Variants in ST6GAL1 observed in about 807,000 individuals in gnomAD.
The protein encoded by ST6GAL1 is ST6 beta-galactoside alpha-2,6-sialyltransferase 1.
Under a neutral mutation model 38.0 loss-of-function variants are expected in ST6GAL1, and 20 were observed. That is an observed-to-expected ratio of 0.53 (90% CI 0.37 to 0.77). ST6GAL1 has a LOEUF of 0.77. Among genes scored for constraint, ST6GAL1 ranks in the 30% least tolerant of loss-of-function variants. The probability of loss-of-function intolerance (pLI) is 0.00; values close to 1 mark genes in which losing one functional copy is unlikely to be tolerated. For missense variants in ST6GAL1, 432 were observed against 496.4 expected (o/e 0.87, Z 1.23); for synonymous variants, 196 against 188.2 (o/e 1.04, Z -0.34).
At chr3:187,074,083 T>C in intron 6 of ST6GAL1, 76 bp from the exon 7 acceptor site, 1 of 1,347,848 alleles carries the variant, frequency 7.4e-7, no homozygotes, top group Non-Finnish European at 1.0e-6. Context: ...CCATGTCCAC[T>C]GATGAAGATG....
At chr3:186,987,683 G>A (rs1346795216) in intron 2 of ST6GAL1, among the ~76,000 whole-genome samples, 4 of 152,138 alleles carry the variant, frequency 2.6e-5, no homozygotes, top group Non-Finnish European at 5.9e-5. Context: ...TAGGGGGAGA[G>A]AAATAAAATT....
At position 186,973,664 on chromosome 3, in the gene ST6GAL1, G is replaced by A. The variant is rs547232273; in HGVS notation, c.-183+9738G>A. The stretch of plus-strand genomic sequence containing the variant: ...AGCTGGTTTGTAGATTGTTGTGAGG[G>A]CAAAGTGGAGAAGTGTCTTAGGGAG... On this transcript the variant is annotated intron_variant, in intron 2 of 7. Transcript: ENST00000169298. Among the ~76,000 whole-genome samples, 11 of 152,282 alleles carry A rather than the reference G, an allele frequency of 7.2e-5. No homozygotes were observed. In the South Asian group the frequency reaches 2.3e-3, roughly 32 times the overall value.
chr3:187,020,282 G>A (rs1717252973), intron 2 of ST6GAL1, among the ~76,000 whole-genome samples: 2 of 150,112 alleles, frequency 1.3e-5, no homozygotes, highest in African/African-American at 2.4e-5. Context: ...GTAACAGAGC[G>A]AGACTCTGTC....
At chr3:187,000,028 T>G (rs1192678061) in intron 2 of ST6GAL1, among the ~76,000 whole-genome samples, 1 of 151,858 alleles carries the variant, frequency 6.6e-6, no homozygotes, top group Non-Finnish European at 1.5e-5. Flanking sequence ...TTGTAGAGTA[T>G]GTTGGCCAGA....
chr3:187,005,308 C>T (rs1244043157), intron 2 of ST6GAL1, among the ~76,000 whole-genome samples: 4 of 128,192 alleles, frequency 3.1e-5, no homozygotes, highest in African/African-American at 6.0e-5. Flanking sequence ...GGAGTCTTCG[C>T]TGTTTCGCCC....
At chr3:187,066,235 T>C (rs897050549) in intron 5 of ST6GAL1, among the ~76,000 whole-genome samples, 1 of 152,250 alleles carries the variant, frequency 6.6e-6, no homozygotes, top group African/African-American at 2.4e-5. Context: ...CTGGGGCTTC[T>C]TGATTTGGGC....
At chr3:186,945,769 G>A (rs1014731738) in intron 1 of ST6GAL1, among the ~76,000 whole-genome samples, 6 of 141,912 alleles carry the variant, frequency 4.2e-5, no homozygotes, top group Admixed American at 7.2e-5. Context: ...GGTGGATCAC[G>A]AGATCAGGAG....
intron 5 of ST6GAL1, among the ~76,000 whole-genome samples, chr3:187,070,161 CA>C (rs1395671229): frequency 6.6e-6 from 1 of 152,166 alleles, no homozygotes; most frequent in African/African-American, 2.4e-5. Flanking sequence ...ATTAGTCACC[CA>C]GCCATATTTA....
chr3:187,059,714 C>G (rs1718844611), intron 5 of ST6GAL1, among the ~76,000 whole-genome samples: 2 of 152,204 alleles, frequency 1.3e-5, no homozygotes, highest in African/African-American at 4.8e-5. Context: ...AGAACAATAC[C>G]TGGCACATGT....
intron 5 of ST6GAL1, chr3:187,072,148 G>A (rs1213391332): frequency 2.0e-5 from 3 of 152,606 alleles, no homozygotes; most frequent in East Asian, 1.9e-4. Context: ...CCAGGAGCCA[G>A]TGTGGTGGGG....
At chr3:186,963,220 CT>C (rs768815050) in intron 1 of ST6GAL1, among the ~76,000 whole-genome samples, 289 of 152,136 alleles carry the variant, frequency 1.9e-3, no homozygotes, top group South Asian at 2.9e-3. Context: ...ATTAAATTCA[CT>C]TTAAAAAAAA....
chr3:186,988,359 A>G (rs1716027635), intron 2 of ST6GAL1, among the ~76,000 whole-genome samples: 1 of 152,126 alleles, frequency 6.6e-6, no homozygotes. Context: ...TAACACATAA[A>G]GGGCTTGTTG....
At chr3:186,977,300 G>T (rs924633247) in intron 2 of ST6GAL1, among the ~76,000 whole-genome samples, 2 of 152,148 alleles carry the variant, frequency 1.3e-5, no homozygotes, top group South Asian at 2.1e-4. Context: ...AGCCACCACC[G>T]CTAGCAGAAC....
chr3:187,065,965 T>A (rs2108598317), intron 5 of ST6GAL1, among the ~76,000 whole-genome samples: 1 of 152,136 alleles, frequency 6.6e-6, no homozygotes, highest in Non-Finnish European at 1.5e-5. Context: ...GCGACAGAGG[T>A]GGGATTTGGT....
chr3:186,962,191 TTCTG>T (rs1399360296), intron 1 of ST6GAL1, among the ~76,000 whole-genome samples: 1 of 152,192 alleles, frequency 6.6e-6, no homozygotes, highest in Non-Finnish European at 1.5e-5. Context: ...TCAGCTTCAG[TTCTG>T]TCTATCAGCA....
rs747110392 is a variant in ST6GAL1, at chr3:187,042,764, G to A, written c.61G>A (p.Ala21Thr). 7.1e-5 allele frequency: 114 copies of A among 1,614,010 alleles called. No homozygotes were observed. Among genetic ancestry groups the A allele is most frequent in the Non-Finnish European group, 8.5e-5 (100 of 1,180,028 alleles). ...SCCVLVFLLF[A>T]VICVWKEKKK... ...CTGCGTCCTGGTCTTTCTTCTGTTT[G>A]CAGTCATCTGTGTGTGGAAGGAAAA... The change falls in exon 4 of 8, where the codon GCA becomes ACA. Residue 21 changes from alanine (A) to threonine (T), a missense_variant. Transcript: ENST00000169298.
In ST6GAL1 at chr3:186,992,996, C is replaced by T. The variant is rs542973619; in HGVS notation, c.-183+29070C>T. ...TCCCGTGCAGTTCTTCCTGGATTGACGGCAGCTAGATCCTGTGACAGAGGA... is the reference window on the plus strand; with the variant it reads ...TCCCGTGCAGTTCTTCCTGGATTGATGGCAGCTAGATCCTGTGACAGAGGA... On this transcript the variant is annotated intron_variant, in intron 2 of 7. Coordinates refer to ENST00000169298, the MANE Select transcript of ST6GAL1 (RefSeq NM_173216.2). 9.6e-4 allele frequency among the ~76,000 whole-genome samples: 146 copies of T among 152,174 alleles called. 2 individuals are homozygous for T. In the South Asian group the frequency reaches 0.026, roughly 27 times the overall value.
intron 2 of ST6GAL1, among the ~76,000 whole-genome samples, chr3:186,981,546 C>T (rs1207944056): frequency 6.6e-6 from 1 of 152,220 alleles, no homozygotes; most frequent in African/African-American, 2.4e-5. Flanking sequence ...TCTAGATCCG[C>T]TGTCATGCCA....
chr3:187,064,496 A>AT (rs201770337), intron 5 of ST6GAL1: 28,255 of 456,344 alleles, frequency 0.062, 1,064 homozygotes, highest in Middle Eastern at 0.086. Context: ...ACTGAAGCAG[A>AT]TTTTTTTCCC....
Sources: gnomAD v4.1 joint callset for allele counts (sites outside exome capture counted in the v4.1 genomes callset) on GRCh38, gnomAD v4.1.1 for gene constraint, MANE v1.5 for transcripts, NCBI Gene and HGNC (gene_info 2026-07-23, HGNC 2026-07-21) for gene names.